Variants in DLC1 observed in about 807,000 individuals in gnomAD.
DLC1 encodes rho GTPase-activating protein 7.
In DLC1, 54 loss-of-function variants were observed where a neutral mutation model predicts 140.3. The ratio of observed to expected loss-of-function variants is 0.38; its 90% CI spans 0.31 to 0.48. The LOEUF is 0.48. DLC1 is among the 20% of genes least tolerant of loss of function. The pLI, the probability that DLC1 is intolerant of heterozygous loss-of-function variation, is 0.96. For missense variants in DLC1, 2,536 were observed against 1,907.0 expected (o/e 1.33, Z -6.14); for synonymous variants, 986 against 728.1 (o/e 1.35, Z -5.70).
intron 1 of DLC1, among the ~76,000 whole-genome samples, chr8:13,583,180 C>T (rs960159748): frequency 2.0e-5 from 3 of 151,982 alleles, no homozygotes; most frequent in South Asian, 2.1e-4. Flanking sequence ...AAAGATTTCC[C>T]TGCAGCATGA....
rs116859375 is a variant in DLC1, at chr8:13,326,713, G to A, written c.1315-21411C>T. Among the ~76,000 whole-genome samples, 122 of 152,292 alleles carry A rather than the reference G, an allele frequency of 8.0e-4. 2 individuals are homozygous for A. In the East Asian group the frequency reaches 0.02, roughly 25 times the overall value. ...TCAGCGTGCATTGGAATCATCTACC[G>A]GGCCTGCTCTCAAAGTTTTCTGATT... On this transcript the variant is annotated intron_variant, in intron 4 of 17. Transcript: ENST00000276297.
intron 2 of DLC1, among the ~76,000 whole-genome samples, chr8:13,415,452 T>G (rs1585068857): frequency 6.7e-6 from 1 of 150,242 alleles, no homozygotes; most frequent in Non-Finnish European, 1.5e-5. Flanking sequence ...CAGGCTGGAG[T>G]GTAGTAGCGC....
At chr8:13,409,918 A>G (rs1837715553) in intron 2 of DLC1, among the ~76,000 whole-genome samples, 1 of 152,160 alleles carries the variant, frequency 6.6e-6, no homozygotes, top group South Asian at 2.1e-4. Flanking sequence ...GTTTTTAAAA[A>G]GTTCCATGGA....
chr8:13,354,952 C>CA (rs33950865), intron 4 of DLC1, among the ~76,000 whole-genome samples: 160 of 106,928 alleles, frequency 1.5e-3, no homozygotes, highest in South Asian at 3.4e-3. Context: ...GACACTGGCT[C>CA]AAAAAAAAAA....
At chr8:13,273,694 G>C (rs1831044053) in intron 5 of DLC1, among the ~76,000 whole-genome samples, 1 of 131,598 alleles carries the variant, frequency 7.6e-6, no homozygotes, top group African/African-American at 2.9e-5. Context: ...GCCTGTGTGT[G>C]TGTGTGTGTG....
chr8:13,423,433 G>A (rs540132662), intron 2 of DLC1, among the ~76,000 whole-genome samples: 52 of 152,226 alleles, frequency 3.4e-4, no homozygotes, highest in African/African-American at 1.2e-3. Context: ...TGTTTTATAA[G>A]CTGATGGGGA....
chr8:13,602,419 G>T (rs929353700), intron 1 of DLC1, among the ~76,000 whole-genome samples: 1 of 151,634 alleles, frequency 6.6e-6, no homozygotes, highest in Admixed American at 6.6e-5. Context: ...TTTAAACTGT[G>T]ATCATTGCAT....
At chr8:13,597,719 T>G (rs1585317067) in intron 1 of DLC1, among the ~76,000 whole-genome samples, 1 of 152,212 alleles carries the variant, frequency 6.6e-6, no homozygotes, top group East Asian at 1.9e-4. Context: ...TGTGTATATT[T>G]AATGAAGATG....
At chr8:13,263,144 C>A (rs1437054468) in intron 5 of DLC1, among the ~76,000 whole-genome samples, 1 of 152,110 alleles carries the variant, frequency 6.6e-6, no homozygotes, top group East Asian at 1.9e-4. Flanking sequence ...TGGGTCCCTA[C>A]AGCAGGTTTG....
intron 1 of DLC1, among the ~76,000 whole-genome samples, chr8:13,554,027 G>C (rs891747891): frequency 6.6e-6 from 1 of 151,864 alleles, no homozygotes. Flanking sequence ...CACTTCTCTT[G>C]TCATTTCCTC....
chr8:13,522,336 A>C, intron 1 of DLC1, among the ~76,000 whole-genome samples: 1 of 152,036 alleles, frequency 6.6e-6, no homozygotes, highest in East Asian at 1.9e-4. Flanking sequence ...ATCAAGAATA[A>C]ACATAAGTCT....
At chr8:13,234,978 G>A (rs1175950438) in intron 5 of DLC1, among the ~76,000 whole-genome samples, 2 of 152,160 alleles carry the variant, frequency 1.3e-5, no homozygotes, top group East Asian at 3.9e-4. Flanking sequence ...TGATTCTAGG[G>A]CCTGTAGCCC....
At chr8:13,410,667 A>G (rs1837743729) in intron 2 of DLC1, among the ~76,000 whole-genome samples, 1 of 152,162 alleles carries the variant, frequency 6.6e-6, no homozygotes, top group African/African-American at 2.4e-5. Context: ...AAAAAACAAA[A>G]ATGTCACCAA....
intron 2 of DLC1, among the ~76,000 whole-genome samples, chr8:13,440,863 A>G (rs970326534): frequency 6.6e-6 from 1 of 152,116 alleles, no homozygotes; most frequent in Non-Finnish European, 1.5e-5. Context: ...CGTGATTCTG[A>G]GGCCTCTCCA....
At chr8:13,508,138 T>C (rs912045416) in intron 1 of DLC1, among the ~76,000 whole-genome samples, 2 of 152,242 alleles carry the variant, frequency 1.3e-5, no homozygotes, top group African/African-American at 4.8e-5. Flanking sequence ...AGGTTGCTGC[T>C]ATTTAATGTC....
At chr8:13,529,960 T>C (rs1210855264) in intron 1 of DLC1, among the ~76,000 whole-genome samples, 2 of 152,242 alleles carry the variant, frequency 1.3e-5, no homozygotes, top group Non-Finnish European at 1.5e-5. Context: ...AGCATTAGTT[T>C]AATTAGATTC....
At position 13,395,038 on chromosome 8, in the gene DLC1, T is replaced by TATCTATCTATC. The variant is rs1563311679; in HGVS notation, c.1174-1356_1174-1346dup. Among the ~76,000 whole-genome samples the TATCTATCTATC allele has an allele frequency of 1.5e-4, 22 of 150,912 alleles. No homozygotes were observed. The South Asian group carries it at 2.8e-3, about 19-fold the overall frequency. On this transcript the variant is annotated intron_variant, in intron 3 of 17. Coordinates refer to ENST00000276297, the MANE Select transcript of DLC1 (RefSeq NM_182643.3). Reference sequence around the variant, plus strand: ...TCTATCTATCTATCTATCTATCATCTATCTATCTATCTATTAGGTACCTAT... The same window carrying TATCTATCTATC: ...TCTATCTATCTATCTATCTATCATCTATCTATCTATCATCTATCTATCTATTAGGTACCTAT...
chr8:13,532,788 T>G (rs1201539156), intron 1 of DLC1, among the ~76,000 whole-genome samples: 4 of 152,172 alleles, frequency 2.6e-5, no homozygotes, highest in African/African-American at 9.7e-5. Context: ...TTGGTATGTT[T>G]GTGTAATACT....
intron 4 of DLC1, among the ~76,000 whole-genome samples, chr8:13,370,468 G>A (rs1835679290): frequency 6.6e-6 from 1 of 152,010 alleles, no homozygotes; most frequent in Admixed American, 6.6e-5. Flanking sequence ...ACCTGTCTGT[G>A]GGTTACACTC....
Sources: gnomAD v4.1 joint callset for allele counts (sites outside exome capture counted in the v4.1 genomes callset) on GRCh38, gnomAD v4.1.1 for gene constraint, MANE v1.5 for transcripts, NCBI Gene and HGNC (gene_info 2026-07-23, HGNC 2026-07-21) for gene names.